The following ALDH1A1 variants were observed in gnomAD, a reference collection of about 807,000 sequenced individuals.
ALDH1A1 encodes aldehyde dehydrogenase 1 family member A1.
In ALDH1A1, 19 loss-of-function variants were observed where a neutral mutation model predicts 62.1. The observed-to-expected ratio is 0.31, with a 90% CI of 0.21 to 0.45. The LOEUF is 0.45. Ranked by LOEUF, ALDH1A1 falls within the 20% of genes least tolerant of loss-of-function variation. The probability of loss-of-function intolerance (pLI) is 1.00; values close to 1 mark genes in which losing one functional copy is unlikely to be tolerated. For synonymous variants in ALDH1A1, 231 were observed against 215.9 expected, an observed-to-expected ratio of 1.07 and a Z score of -0.61; for missense variants, 521 against 607.1, an observed-to-expected ratio of 0.86 and a Z score of 1.49.
chr9:72,929,774 T>A (rs947357095), intron 3 of ALDH1A1, among the ~76,000 whole-genome samples: 2 of 152,212 alleles, frequency 1.3e-5, no homozygotes, highest in Admixed American at 1.3e-4. Flanking sequence ...GTTTCTGTAC[T>A]ACACTCTCTA....
At chr9:72,949,550 C>T (rs879825116) in intron 1 of ALDH1A1, among the ~76,000 whole-genome samples, 1 of 151,768 alleles carries the variant, frequency 6.6e-6, no homozygotes, top group Non-Finnish European at 1.5e-5. Flanking sequence ...ATAGTAACCT[C>T]CTCATAGGGT....
At chr9:72,922,692 G>A (rs1830159304) in intron 7 of ALDH1A1, among the ~76,000 whole-genome samples, 1 of 152,200 alleles carries the variant, frequency 6.6e-6, no homozygotes, top group African/African-American at 2.4e-5. Flanking sequence ...TTCCCTATTG[G>A]GGAGGGTCTA....
chr9:72,901,626 G>T (rs1248799300), intron 12 of ALDH1A1, among the ~76,000 whole-genome samples: 3 of 151,974 alleles, frequency 2.0e-5, no homozygotes. Context: ...AAAACAAAAA[G>T]CTCTAAAACT....
intron 2 of ALDH1A1, among the ~76,000 whole-genome samples, chr9:72,936,991 A>G (rs1249791064): frequency 1.3e-5 from 2 of 152,130 alleles, no homozygotes; most frequent in Non-Finnish European, 2.9e-5. Context: ...TATTGCAGTG[A>G]AACCTAGGGG....
rs1564623273 is a variant in ALDH1A1 at position 72,909,154 on chromosome 9, G to GTT, written c.1358+447_1358+448insAA. 1.6e-3 allele frequency among the ~76,000 whole-genome samples: 139 copies of GTT among 87,748 alleles called. 1 individual carries two copies. Among genetic ancestry groups the GTT allele is most frequent in the African/African-American group, 5.0e-3 (134 of 27,000 alleles). 57.6% of individuals were successfully genotyped at this position (87,748 alleles called of 152,430 possible). A position where few individuals can be genotyped will look rare whatever the true frequency, so the allele number is the denominator to read the frequency against. ...TCCTCCCTAAAGTTCTTCCAATACA[G>GTT]CTTTTTTTTTTTTTTTTTTTTTTTG... On this transcript the variant is annotated intron_variant, in intron 11 of 12. Transcript: ENST00000297785.
At chr9:72,950,901 C>T (rs534823553) in intron 1 of ALDH1A1, among the ~76,000 whole-genome samples, 1 of 151,388 alleles carries the variant, frequency 6.6e-6, no homozygotes, top group Non-Finnish European at 1.5e-5. Flanking sequence ...AAATTCAATC[C>T]AATTCTTCAC....
chr9:72,926,957 A>G lies in ALDH1A1; in HGVS notation c.504+159T>C, dbSNP rs1830219677. On this transcript the variant is annotated intron_variant, in intron 5 of 12. Coordinates refer to ENST00000297785, the MANE Select transcript of ALDH1A1 (RefSeq NM_000689.5). The stretch of plus-strand genomic sequence containing the variant: ...TTTCGGACTACCTAATTCATATGCA[A>G]GAAGTTTAGTCACAGGGAGACCAAG... The G allele has an allele frequency of 3.1e-5, 17 of 547,748 alleles. No individual in the cohort carries two copies. The East Asian group carries it at 4.9e-4, about 16-fold the overall frequency. 33.9% of individuals were successfully genotyped at this position (547,748 alleles called of 1,614,324 possible).
At chr9:72,949,311 C>A (rs911016033) in intron 1 of ALDH1A1, among the ~76,000 whole-genome samples, 47 of 151,836 alleles carry the variant, frequency 3.1e-4, no homozygotes, top group African/African-American at 1.1e-3. Context: ...GCTGGAAAGA[C>A]CATGGTAATC....
intron 1 of ALDH1A1, among the ~76,000 whole-genome samples, chr9:72,949,640 T>A (rs549974221): frequency 5.0e-4 from 65 of 130,670 alleles, no homozygotes; most frequent in Middle Eastern, 7.1e-3. Context: ...TTACCTATAA[T>A]TATTTATTGT....
At position 72,928,998 on chromosome 9, in the gene ALDH1A1, T is replaced by C; in HGVS notation, c.336A>G (p.Gly112=). 6.2e-7 allele frequency: 1 copy of C among 1,613,818 alleles called. No homozygotes were observed. The highest frequency in any genetic ancestry group is 1.1e-5 in the South Asian group (1 of 91,042). Residue 112 remains glycine (G), a synonymous_variant, in exon 4 of 13, where the codon GGA becomes GGG. Transcript: ENST00000297785. ...LLATMESMNG[G]KLYSNAYLND... ...TCAGATATGCATTGGAATAGAGTTT[T>C]CCACCATTCATTGACTCCATTGTCT... is the stretch of plus-strand genomic sequence containing the variant.
intron 12 of ALDH1A1, among the ~76,000 whole-genome samples, chr9:72,904,335 C>G (rs1888202): frequency 0.41 from 62,079 of 151,938 alleles, 14,295 homozygotes; most frequent in South Asian, 0.57. Context: ...AGTCAAATTT[C>G]TTAAATGCAG....
intron 2 of ALDH1A1, among the ~76,000 whole-genome samples, chr9:72,937,444 G>C (rs1325327621): frequency 1.3e-5 from 2 of 152,056 alleles, no homozygotes; most frequent in Non-Finnish European, 2.9e-5. Flanking sequence ...TATAAAACCC[G>C]GGCATGACTG....
rs773150900 is a variant in ALDH1A1 at position 72,909,586 on chromosome 9, C to T, written c.1358+16G>A. The T allele has an allele frequency of 4.4e-6, 7 of 1,596,574 alleles. No individual in the cohort carries two copies. In the South Asian group the frequency reaches 4.6e-5, roughly 10 times the overall value. Reference sequence around the variant, plus strand: ...GGTTATTACTGAAAAGGCTACATTCCTTAGGTTGGACTTACCACACTGTTC... The same window carrying T: ...GGTTATTACTGAAAAGGCTACATTCTTTAGGTTGGACTTACCACACTGTTC... On this transcript the variant is annotated intron_variant, in intron 11 of 12. Transcript: ENST00000297785.
In ALDH1A1 at chr9:72,909,585, C is replaced by A. The variant is rs2118491183; in HGVS notation, c.1358+17G>T. ...TGGTTATTACTGAAAAGGCTACATTCCTTAGGTTGGACTTACCACACTGTT... is the reference window on the plus strand; with the variant it reads ...TGGTTATTACTGAAAAGGCTACATTACTTAGGTTGGACTTACCACACTGTT... On this transcript the variant is annotated intron_variant, in intron 11 of 12. Coordinates refer to ENST00000297785, the MANE Select transcript of ALDH1A1 (RefSeq NM_000689.5). 6.3e-7 allele frequency: 1 copy of A among 1,596,978 alleles called. No homozygotes were observed. Among genetic ancestry groups the A allele is most frequent in the Non-Finnish European group, 8.5e-7 (1 of 1,173,132 alleles).
At chr9:72,914,207 G>A (rs1181233061) in intron 9 of ALDH1A1, among the ~76,000 whole-genome samples, 1 of 152,118 alleles carries the variant, frequency 6.6e-6, no homozygotes, top group African/African-American at 2.4e-5. Context: ...AAGATGAATT[G>A]GGAAAAAGCA....
intron 9 of ALDH1A1, among the ~76,000 whole-genome samples, chr9:72,915,148 G>C (rs923094815): frequency 3.3e-5 from 5 of 151,974 alleles, no homozygotes; most frequent in Non-Finnish European, 5.9e-5. Context: ...CAGATCACTG[G>C]ATTCTATTCA....
chr9:72,919,687 C>T lies in ALDH1A1; in HGVS notation c.748-865G>A, dbSNP rs538967306. 7.9e-5 allele frequency among the ~76,000 whole-genome samples: 12 copies of T among 152,324 alleles called. 1 individual carries two copies. In the South Asian group the frequency reaches 1.2e-3, roughly 16 times the overall value. On this transcript the variant is annotated intron_variant, in intron 7 of 12. Coordinates refer to ENST00000297785, the MANE Select transcript of ALDH1A1 (RefSeq NM_000689.5). Reference sequence around the variant, plus strand: ...CTATGACAGAAGGCTCATTTAATTGCGGATTGACAGTCGTCTCTCTATCTC... The same window carrying T: ...CTATGACAGAAGGCTCATTTAATTGTGGATTGACAGTCGTCTCTCTATCTC...
At chr9:72,921,503 C>CT (rs11327072) in intron 7 of ALDH1A1, among the ~76,000 whole-genome samples, 1,980 of 109,450 alleles carry the variant, frequency 0.018, 33 homozygotes, top group African/African-American at 0.052. Context: ...ACATTTAATT[C>CT]TTTTTTTTTT....
At chr9:72,918,304 C>T (rs947872611) in intron 8 of ALDH1A1, among the ~76,000 whole-genome samples, 3 of 152,120 alleles carry the variant, frequency 2.0e-5, no homozygotes, top group African/African-American at 7.2e-5. Flanking sequence ...GAGTGTATGA[C>T]CCAGAGTGAA....
Sources: allele counts gnomAD v4.1 joint callset (sites outside exome capture counted in the v4.1 genomes callset), GRCh38; gene constraint gnomAD v4.1.1; transcripts MANE v1.5; gene names NCBI Gene and HGNC (gene_info 2026-07-23, HGNC 2026-07-21).